PCNT: variants seen among roughly 807,000 people sequenced by gnomAD.
The protein encoded by PCNT is pericentrin, also known as kendrin.
In PCNT, 319 loss-of-function variants were observed where a neutral mutation model predicts 380.4. The ratio of observed to expected loss-of-function variants is 0.84; its 90% CI spans 0.77 to 0.92. The LOEUF (loss-of-function observed/expected upper bound fraction) is 0.92. PCNT is among the 40% of genes least tolerant of loss of function. The pLI is 0.00. For missense variants in PCNT, 4,400 were observed against 4,255.3 expected, an observed-to-expected ratio of 1.03 and a Z score of -0.95; for synonymous variants, 1,845 against 1,735.2, an observed-to-expected ratio of 1.06 and a Z score of -1.57.
intron 38 of PCNT, among the ~76,000 whole-genome samples, chr21:46,433,182 G>A (rs1482197246): frequency 6.6e-6 from 1 of 151,950 alleles, no homozygotes; most frequent in Admixed American, 6.6e-5. Context: ...AGGAGTTCAA[G>A]ACCAGCCTGG....
chr21:46,394,615 A>AAAGGTCTG, intron 21 of PCNT: 1 of 577,150 alleles, frequency 1.7e-6, no homozygotes, highest in Non-Finnish European at 2.2e-6. Flanking sequence ...TTACTAAAGA[A>AAAGGTCTG]AAGTACTTCA....
At chr21:46,436,300 T>C (rs1198744237) in intron 39 of PCNT, 152 bp downstream of exon 39, 2 of 908,552 alleles carry the variant, frequency 2.2e-6, no homozygotes, top group Non-Finnish European at 3.4e-6. Context: ...GCTGAGGGAT[T>C]CCGGATTGGC....
Position 46,411,350 on chromosome 21 carries a change from G to A in PCNT, c.5277G>A (p.Val1759=). Residue 1759 remains valine, a synonymous_variant, in exon 28 of 47, where the codon GTG becomes GTA. Coordinates refer to ENST00000359568, the MANE Select transcript of PCNT (RefSeq NM_006031.6). ...LQHELSLMGP[V]VHEVSDSQAG... The stretch of plus-strand genomic sequence containing the variant: ...ACGAGCTGTCCCTCATGGGGCCTGT[G>A]GTGCACGAAGTCAGCGACAGTCAGG... 1.2e-6 allele frequency: 2 copies of A among 1,614,172 alleles called. No individual in the cohort carries two copies. The highest frequency in any genetic ancestry group is 1.7e-6 in the Non-Finnish European group (2 of 1,180,048).
At chr21:46,442,894 G>C in intron 44 of PCNT, 1 of 392,522 alleles carries the variant, frequency 2.5e-6, no homozygotes, top group South Asian at 2.4e-5. Flanking sequence ...CTCACTTCAC[G>C]TCTCTTTCCT....
rs1491017289 is a variant in PCNT, at chr21:46,418,196, CTT to C, written c.6922-7_6922-6del. ...TTATTTTATGACCATTTAAAAATCT[CTT>C]AACAGGAGAAAGATGTCGAAGATTT... On this transcript the variant is annotated splice_polypyrimidine_tract_variant and splice_region_variant and intron_variant, in intron 30 of 46. Transcript: ENST00000359568. 1.6e-5 allele frequency: 24 copies of C among 1,534,952 alleles called. No homozygotes were observed. The highest frequency in any genetic ancestry group is 2.0e-5 in the Non-Finnish European group (22 of 1,116,824).
At chr21:46,336,802 T>C (rs2083750139) in intron 3 of PCNT, among the ~76,000 whole-genome samples, 1 of 152,170 alleles carries the variant, frequency 6.6e-6, no homozygotes, top group Non-Finnish European at 1.5e-5. Context: ...TGTTCATTTG[T>C]ATTTATAGAC....
rs541252480 is a variant in PCNT at position 46,432,168 on chromosome 21, G to T, written c.8704G>T (p.Ala2902Ser). The T allele has an allele frequency of 1.2e-6, 2 of 1,613,362 alleles. No homozygotes were observed. Among genetic ancestry groups the T allele is most frequent in the South Asian group, 1.1e-5 (1 of 91,046 alleles). ...GAGCGCGGAGGCCAGGCAGAGCCCAGCGGCTGCGGAGCAGTGGAGGAAGTG... is the reference window on the plus strand; with the variant it reads ...GAGCGCGGAGGCCAGGCAGAGCCCATCGGCTGCGGAGCAGTGGAGGAAGTG... ...RRSAEARQSPAAAEQWRKWQR... is the reference protein window; with the variant it reads ...RRSAEARQSPSAAEQWRKWQR... Residue 2902 changes from alanine (A) to serine (S), a missense_variant, in exon 38 of 47, where the codon GCG (alanine) becomes TCG (serine). Transcript: ENST00000359568.
rs11399485 is a variant in PCNT, at chr21:46,409,190, C to CTTTTTTTT, written c.5116-1988_5116-1981dup. On this transcript the variant is annotated intron_variant, in intron 27 of 46. Transcript: ENST00000359568. ...ATGTTTTGCAGAGCAAAACTTTTTA[C>CTTTTTTTT]TTTTTTTTTTTTTTTTTTGACAGAG... Among the ~76,000 whole-genome samples the CTTTTTTTT allele has an allele frequency of 2.4e-5, 3 of 123,998 alleles. 1 individual carries two copies. Among genetic ancestry groups the CTTTTTTTT allele is most frequent in the African/African-American group, 6.1e-5 (2 of 33,006 alleles). 81.3% of individuals were successfully genotyped at this position (123,998 alleles called of 152,430 possible).
chr21:46,410,114 G>A (rs567965645), intron 27 of PCNT, among the ~76,000 whole-genome samples: 1 of 152,364 alleles, frequency 6.6e-6, no homozygotes, highest in South Asian at 2.1e-4. Context: ...CAGAGACAAC[G>A]GCCGGTGCCG....
At chr21:46,359,481 T>G (rs964117657) in intron 13 of PCNT, among the ~76,000 whole-genome samples, 5 of 76,544 alleles carry the variant, frequency 6.5e-5, no homozygotes, top group East Asian at 8.2e-4. Context: ...AATACACCTG[T>G]TTTTTTTTTG....
chr21:46,441,420 C>G (rs2053603942), intron 43 of PCNT, among the ~76,000 whole-genome samples: 1 of 152,184 alleles, frequency 6.6e-6, no homozygotes, highest in South Asian at 2.1e-4. Flanking sequence ...TGCCTGCTCC[C>G]TGATGCCACA....
intron 15 of PCNT, among the ~76,000 whole-genome samples, chr21:46,376,400 C>T (rs1157163175): frequency 6.6e-6 from 1 of 152,342 alleles, no homozygotes; most frequent in African/African-American, 2.4e-5. Context: ...CTTTGCTGGG[C>T]ACCGGGAGCG....
chr21:46,346,545 C>A (rs1358842078), intron 4 of PCNT, among the ~76,000 whole-genome samples, 198 bp from the exon 5 acceptor site: 1 of 152,176 alleles, frequency 6.6e-6, no homozygotes, highest in Non-Finnish European at 1.5e-5. Context: ...CAGTGATGCG[C>A]TGTGGGGTCA....
chr21:46,363,443 G>A, intron 13 of PCNT, 37 bp from the exon 14 acceptor site: 1 of 1,538,600 alleles, frequency 6.5e-7, no homozygotes, highest in Middle Eastern at 1.7e-4. Context: ...TCTTCCATTA[G>A]CGTCTTTCCT....
rs760788144 is a variant in PCNT at position 46,363,953 on chromosome 21, C to A, written c.2609+19C>A. The A allele has an allele frequency of 6.3e-7, 1 of 1,597,018 alleles. No individual in the cohort carries two copies. Among genetic ancestry groups the A allele is most frequent in the Non-Finnish European group, 8.5e-7 (1 of 1,175,952 alleles). On this transcript the variant is annotated intron_variant, in intron 14 of 46. Coordinates refer to ENST00000359568, the MANE Select transcript of PCNT (RefSeq NM_006031.6). ...GGAGCAGGTGGGTTTGCAGTGACGC[C>A]ATCTGCAGTCCCTGTGAGGCCAGAC...
chr21:46,331,571 A>T (rs539844558), intron 2 of PCNT, among the ~76,000 whole-genome samples: 35 of 152,154 alleles, frequency 2.3e-4, no homozygotes, highest in Non-Finnish European at 4.1e-4. Flanking sequence ...TGGGAGGCCA[A>T]CGTGGGAGGA....
intron 31 of PCNT, among the ~76,000 whole-genome samples, chr21:46,419,768 T>A (rs1443228833): frequency 6.6e-6 from 1 of 151,738 alleles, no homozygotes; most frequent in Non-Finnish European, 1.5e-5. Context: ...CGAGACAGGG[T>A]CTTGCTCTCT....
At chr21:46,383,724 A>G (rs1272780131) in intron 16 of PCNT, among the ~76,000 whole-genome samples, 5 of 143,702 alleles carry the variant, frequency 3.5e-5, no homozygotes, top group Admixed American at 2.8e-4. Flanking sequence ...TTGTATATTC[A>G]GTGATGGAAG....
At chr21:46,364,218 C>G (rs1424747235) in intron 14 of PCNT, among the ~76,000 whole-genome samples, 1 of 152,200 alleles carries the variant, frequency 6.6e-6, no homozygotes, top group Non-Finnish European at 1.5e-5. Context: ...CCGGAGCCCC[C>G]TGGCCGCAGT....
Sources: gnomAD v4.1 joint callset for allele counts (sites outside exome capture counted in the v4.1 genomes callset) on GRCh38, gnomAD v4.1.1 for gene constraint, MANE v1.5 for transcripts, NCBI Gene and HGNC (gene_info 2026-07-23, HGNC 2026-07-21) for gene names.